Variants in CAPN10 observed in about 807,000 individuals in gnomAD.
The protein encoded by CAPN10 is calpain-10.
In CAPN10, 71 loss-of-function variants were observed where a neutral mutation model predicts 78.4. That is an observed-to-expected ratio of 0.91 (90% CI 0.75 to 1.10). CAPN10 has a LOEUF of 1.10. Among genes scored for constraint, CAPN10 ranks in the 50% least tolerant of loss-of-function variants. The probability of loss-of-function intolerance (pLI) is 0.00; values close to 1 mark genes in which losing one functional copy is unlikely to be tolerated. For missense variants in CAPN10, 849 were observed against 924.6 expected (o/e 0.92, Z 1.06); for synonymous variants, 437 against 407.2 (o/e 1.07, Z -0.88).
rs951182394 is a variant in CAPN10, at chr2:240,586,857, C to G, written c.-55C>G. ...CGGCGGCGGCTGACTCGCCTTCTCT[C>G]CGGGGCTGCGACCCCGAGGCAACCG... On this transcript the variant is annotated 5_prime_UTR_variant, in exon 1 of 12. Coordinates refer to ENST00000391984, the MANE Select transcript of CAPN10 (RefSeq NM_023083.4). The G allele has an allele frequency of 7.6e-7, 1 of 1,322,226 alleles. No individual in the cohort carries two copies. Among genetic ancestry groups the G allele is most frequent in the Admixed American group, 4.1e-5 (1 of 24,274 alleles). The allele number at this position is 1,322,226 out of a possible 1,614,324, so 81.9% of individuals were successfully genotyped here. A position where few individuals can be genotyped will look rare whatever the true frequency, so the allele number is the denominator to read the frequency against.
rs777037288 is a variant in CAPN10 at position 240,598,093 on chromosome 2, G to A, written c.1943+6G>A. The stretch of plus-strand genomic sequence containing the variant: ...ATCGCAACCAGGATTGACAGGTGGG[G>A]CTCTGGGACTTGGGGGCGGCCAGCT... On this transcript the variant is annotated splice_donor_region_variant and intron_variant, in intron 10 of 11. Coordinates refer to ENST00000391984, the MANE Select transcript of CAPN10 (RefSeq NM_023083.4). 2.5e-6 allele frequency: 4 copies of A among 1,601,796 alleles called. No individual in the cohort carries two copies. The highest frequency in any genetic ancestry group is 2.2e-5 in the South Asian group (2 of 90,506).
intron 3 of CAPN10, 30 bp from the exon 4 acceptor site, chr2:240,591,903 G>T: frequency 1.3e-6 from 2 of 1,589,938 alleles, no homozygotes; most frequent in Non-Finnish European, 1.7e-6. Context: ...AATGCCAGAG[G>T]CTCACTCCCA....
In CAPN10 at chr2:240,598,661, T is replaced by C. The variant is rs376583576; in HGVS notation, c.2000T>C (p.Met667Thr). The change falls in exon 12 of 12, where the codon ATG becomes ACG. Residue 667 changes from methionine (M) to threonine (T), a missense_variant. Physicochemically the swap from Met to Thr is moderately conservative, Grantham distance 81. Transcript: ENST00000391984. Reference sequence around the variant, plus strand: ...CATCTGTCTTTGCAGGTCTCCATCATGGCAGTGATGAAAACCTAACAGGGT... The same window carrying C: ...CATCTGTCTTTGCAGGTCTCCATCACGGCAGTGATGAAAACCTAACAGGGT... ...LGQFLQEVSI[M>T]AVMKT 3.2e-6 allele frequency: 5 copies of C among 1,577,960 alleles called. No individual in the cohort carries two copies. The African/African-American group carries it at 6.7e-5, about 21-fold the overall frequency.
chr2:240,597,809 G>T, intron 9 of CAPN10, 79 bp from the exon 10 acceptor site: 1 of 1,287,200 alleles, frequency 7.8e-7, no homozygotes, highest in Non-Finnish European at 1.1e-6. Flanking sequence ...GAGGGCCAAG[G>T]GCATCCGAGC....
In CAPN10 at chr2:240,592,572, G is replaced by A. The variant is rs535537972; in HGVS notation, c.688+422G>A. The A allele has an allele frequency of 2.4e-5, 11 of 463,868 alleles. No individual in the cohort carries two copies. In the East Asian group the frequency reaches 6.3e-4, roughly 26 times the overall value. The allele number at this position is 463,868 out of a possible 1,614,324, so 28.7% of individuals were successfully genotyped here. A position where few individuals can be genotyped will look rare whatever the true frequency, so the allele number is the denominator to read the frequency against. On this transcript the variant is annotated intron_variant, in intron 4 of 11. Coordinates refer to ENST00000391984, the MANE Select transcript of CAPN10 (RefSeq NM_023083.4). ...ACCTGTAATCCCAGAACTTTGGGAG[G>A]CTGAGGTGGGAGTATCGCTGGAGCC...
rs76870276 is a variant in CAPN10 at position 240,595,741 on chromosome 2, C to T, written c.1278+437C>T. ...TCCCTCAGTCTCTTCCCCTGCAAGA[C>T]GGGGTCCTGACACGGATCTCATGGG... On this transcript the variant is annotated intron_variant, in intron 7 of 11. Transcript: ENST00000391984. Among the ~76,000 whole-genome samples, 226 of 152,374 alleles carry T rather than the reference C, an allele frequency of 1.5e-3. 1 individual carries two copies. In the East Asian group the frequency reaches 0.029, roughly 20 times the overall value.
In CAPN10 at chr2:240,595,192, C is replaced by T. The variant is rs11556468; in HGVS notation, c.1166C>T (p.Ala389Val). 3.2e-5 allele frequency: 52 copies of T among 1,613,674 alleles called. No individual in the cohort carries two copies. Among genetic ancestry groups the T allele is most frequent in the Middle Eastern group, 1.6e-4 (1 of 6,084 alleles). Residue 389 changes from alanine (A) to valine (V), a missense_variant, in exon 7 of 12, where the codon GCG becomes GTG. Coordinates refer to ENST00000391984, the MANE Select transcript of CAPN10 (RefSeq NM_023083.4). ...GTCCTGCAGAGATCCAGGCTGCACG[C>T]GGCGGACTGGGCAGGCCGGGCCCGG... ...IAVLQRSRLH[A>V]ADWAGRARAL...
At chr2:240,589,175 GAGC>G (rs1394527756) in intron 1 of CAPN10, among the ~76,000 whole-genome samples, 165 bp from the exon 2 acceptor site, 1 of 152,180 alleles carries the variant, frequency 6.6e-6, no homozygotes, top group Non-Finnish European at 1.5e-5. Context: ...TTGAAGCCAG[GAGC>G]TGAAGGACAC....
chr2:240,598,277 G>A, intron 10 of CAPN10, 75 bp from the exon 11 acceptor site: 2 of 1,542,118 alleles, frequency 1.3e-6, no homozygotes, highest in Non-Finnish European at 1.8e-6. Flanking sequence ...AGTCTAGTGG[G>A]AGGTGGGCCA....
intron 3 of CAPN10, 68 bp from the exon 4 acceptor site, chr2:240,591,865 C>A: frequency 7.0e-7 from 1 of 1,422,474 alleles, no homozygotes; most frequent in South Asian, 1.2e-5. Context: ...TGCTACAGAC[C>A]ATGGGAATCA....
At chr2:240,590,704 C>T (rs531049686) in intron 2 of CAPN10, 111 bp from the exon 3 acceptor site, 4 of 897,558 alleles carry the variant, frequency 4.5e-6, no homozygotes, top group East Asian at 5.2e-5. Flanking sequence ...CTCTGCAGAC[C>T]GCGGTGCCTG....
chr2:240,591,566 AG>A (rs1332639234), intron 3 of CAPN10: 15 of 309,066 alleles, frequency 4.9e-5, no homozygotes. Context: ...TGGTGACATC[AG>A]TGCCCAGTGA....
chr2:240,589,103 A>G (rs906410399), intron 1 of CAPN10, among the ~76,000 whole-genome samples: 1 of 152,168 alleles, frequency 6.6e-6, no homozygotes, highest in Non-Finnish European at 1.5e-5. Context: ...GGAGCTTGCT[A>G]GAGTTTGGGA....
At chr2:240,596,001 C>T (rs1428708143) in intron 7 of CAPN10, 2 of 1,434,054 alleles carry the variant, frequency 1.4e-6, no homozygotes, top group East Asian at 3.4e-5. Context: ...TGTTCCTTTC[C>T]TCTTGCAAAA....
chr2:240,594,870 C>T (rs138353420), intron 6 of CAPN10, among the ~76,000 whole-genome samples, 154 bp from the exon 7 acceptor site: 282 of 152,280 alleles, frequency 1.9e-3, no homozygotes, highest in African/African-American at 6.5e-3. Context: ...GATTCTGTCC[C>T]AGGAGCTGGG....
intron 2 of CAPN10, chr2:240,589,851 T>G (rs1003649841): frequency 1.0e-5 from 2 of 197,716 alleles, no homozygotes; most frequent in African/African-American, 4.7e-5. Context: ...CTCGCTGGTT[T>G]TCTTACAGGT....
Position 240,598,027 on chromosome 2 carries a change from C to T in CAPN10, c.1883C>T (p.Ser628Phe). The T allele has an allele frequency of 1.2e-6, 2 of 1,613,214 alleles. No homozygotes were observed. The highest frequency in any genetic ancestry group is 1.7e-6 in the Non-Finnish European group (2 of 1,179,884). ...GCGGGCACCTACAAGGTTGTGCCCTCCACCTACCTGCCGGACACAGAGGGG... is the reference window on the plus strand; with the variant it reads ...GCGGGCACCTACAAGGTTGTGCCCTTCACCTACCTGCCGGACACAGAGGGG... ...LPAGTYKVVP[S>F]TYLPDTEGAF... Residue 628 changes from serine (S) to phenylalanine (F), a missense_variant, in exon 10 of 12, where the codon TCC becomes TTC. By Grantham distance (155) the Ser-to-Phe change is radical (BLOSUM62 -2). Transcript: ENST00000391984.
intron 3 of CAPN10, 56 bp downstream of exon 3, chr2:240,591,067 C>A: frequency 6.6e-7 from 1 of 1,520,052 alleles, no homozygotes; most frequent in South Asian, 1.2e-5. Context: ...GCTGCCACTA[C>A]CATGGGCTGC....
intron 4 of CAPN10, chr2:240,592,745 C>G: frequency 3.3e-6 from 1 of 306,546 alleles, no homozygotes; most frequent in Non-Finnish European, 6.4e-6. Context: ...GTGTTCCCTT[C>G]CGCACCGCTT....
Sources: gnomAD v4.1 joint callset for allele counts (sites outside exome capture counted in the v4.1 genomes callset) on GRCh38, gnomAD v4.1.1 for gene constraint, MANE v1.5 for transcripts, NCBI Gene and HGNC (gene_info 2026-07-23, HGNC 2026-07-21) for gene names.